The following EIF5B variants were observed in gnomAD, a reference collection of about 807,000 sequenced individuals.
EIF5B encodes the protein eukaryotic translation initiation factor 5B.
Under a neutral mutation model 147.5 loss-of-function variants are expected in EIF5B, and 47 were observed. That is an observed-to-expected ratio of 0.32 (90% CI 0.25 to 0.41). EIF5B has a LOEUF of 0.41. EIF5B is among the 10% of genes least tolerant of loss of function. The pLI is 1.00. For synonymous variants in EIF5B, 455 were observed against 456.2 expected (o/e 1.00, Z 0.03); for missense variants, 1,064 against 1,413.2 (o/e 0.75, Z 3.96).
Position 99,393,106 on chromosome 2 carries a change from C to T in EIF5B, c.2880+8C>T, listed in dbSNP as rs1358670666. The T allele has an allele frequency of 2.0e-6, 3 of 1,515,912 alleles. No homozygotes were observed. The highest frequency in any genetic ancestry group is 2.6e-5 in the South Asian group (2 of 76,324). The allele number at this position is 1,515,912 out of a possible 1,614,324, so 93.9% of individuals were successfully genotyped here. A position where few individuals can be genotyped will look rare whatever the true frequency, so the allele number is the denominator to read the frequency against. On this transcript the variant is annotated splice_region_variant and intron_variant, in intron 18 of 23. Transcript: ENST00000289371. ...GAAATCCCTGTTCTTAAAGTAAGTT[C>T]ATTTAAAAATTTTTTTCCTTAAAAG...
chr2:99,342,425 T>A (rs559721214), intron 1 of EIF5B, among the ~76,000 whole-genome samples: 4 of 152,318 alleles, frequency 2.6e-5, no homozygotes, highest in African/African-American at 9.6e-5. Context: ...GAAATATATT[T>A]GTGAACAAAT....
At chr2:99,368,895 T>G (rs1252637466) in intron 7 of EIF5B, among the ~76,000 whole-genome samples, 2 of 152,226 alleles carry the variant, frequency 1.3e-5, no homozygotes, top group Non-Finnish European at 2.9e-5. Flanking sequence ...CTTCTGTGAT[T>G]TTTGTATTTT....
chr2:99,338,507 C>T, intron 1 of EIF5B: 1 of 386,490 alleles, frequency 2.6e-6, no homozygotes, highest in Non-Finnish European at 5.0e-6. Flanking sequence ...CAGTCTGACT[C>T]AAAACAGATA....
intron 9 of EIF5B, among the ~76,000 whole-genome samples, chr2:99,373,421 A>G (rs1299227955): frequency 5.9e-5 from 9 of 152,180 alleles, no homozygotes; most frequent in Non-Finnish European, 8.8e-5. Context: ...GTGTCTTCAC[A>G]TGATGGAAGG....
intron 14 of EIF5B, among the ~76,000 whole-genome samples, chr2:99,386,912 A>G (rs1674820951): frequency 6.6e-6 from 1 of 151,708 alleles, no homozygotes; most frequent in South Asian, 2.1e-4. Flanking sequence ...ACTAATTTTT[A>G]TATTTTATTT....
Position 99,361,203 on chromosome 2 carries a change from A to G in EIF5B, c.302A>G (p.Gln101Arg). The G allele has an allele frequency of 6.3e-7, 1 of 1,595,042 alleles. No individual in the cohort carries two copies. Residue 101 changes from glutamine (Q) to arginine (R), a missense_variant, in exon 4 of 24, where the codon CAG becomes CGG. Gln to Arg is a conservative substitution (Grantham distance 43, BLOSUM62 1). Transcript: ENST00000289371. ...TCAAAAGATAAAAAAAAGAAAGGAC[A>G]GAAGGGCAAAAAACAGAGTTTTGAT... ...FTSKDKKKKGQKGKKQSFDDN... is the reference protein window; with the variant it reads ...FTSKDKKKKGRKGKKQSFDDN...
rs111801819 is a variant in EIF5B, at chr2:99,376,556, A to G, written c.1762A>G (p.Ser588Gly). ...AGATAAAAAGCCAAGTAAAGAAATG[A>G]GCTCAGATTCTGAATATGACTCTGA... is the stretch of plus-strand genomic sequence containing the variant. ...TLDKKPSKEM[S>G]SDSEYDSDDD... Residue 588 changes from serine to glycine, a missense_variant, in exon 10 of 24, where the codon AGC (serine) becomes GGC (glycine). This residue lies in a region of EIF5B where 195 missense variants were observed against 186.3 expected (regional missense o/e 1.05). Coordinates refer to ENST00000289371, the MANE Select transcript of EIF5B (RefSeq NM_015904.4). 9,233 of 1,614,088 alleles carry G rather than the reference A, an allele frequency of 5.7e-3. 42 individuals are homozygous for G. The highest frequency in any genetic ancestry group is 7.1e-3 in the Non-Finnish European group (8,384 of 1,180,000).
Position 99,337,412 on chromosome 2 carries a change from T to C in EIF5B, c.-143T>C. 1.0e-6 allele frequency: 1 copy of C among 1,004,344 alleles called. No homozygotes were observed. Among genetic ancestry groups the C allele is most frequent in the East Asian group, 2.6e-5 (1 of 38,260 alleles). 62.2% of individuals were successfully genotyped at this position (1,004,344 alleles called of 1,614,324 possible). A position where few individuals can be genotyped will look rare whatever the true frequency, so the allele number is the denominator to read the frequency against. On this transcript the variant is annotated 5_prime_UTR_variant, in exon 1 of 24. Transcript: ENST00000289371. ...TCACACCATATGTGTCCTGTTCCAG[T>C]GCGCGGGTCTGTGGAGAGCCGGGTG... is the stretch of plus-strand genomic sequence containing the variant.
chr2:99,390,750 GTTT>G (rs1674908392), intron 17 of EIF5B, 45 bp downstream of exon 17: 5 of 1,541,624 alleles, frequency 3.2e-6, no homozygotes, highest in Non-Finnish European at 4.4e-6. Flanking sequence ...CTTGTACAGT[GTTT>G]AGAAGTTCTG....
intron 12 of EIF5B, among the ~76,000 whole-genome samples, chr2:99,380,071 G>A (rs1674657447): frequency 1.3e-5 from 2 of 152,156 alleles, no homozygotes; most frequent in Admixed American, 1.3e-4. Flanking sequence ...GCCATTATTG[G>A]ATTACTTCTA....
chr2:99,390,044 T>G (rs1252021000), intron 15 of EIF5B, among the ~76,000 whole-genome samples, 175 bp from the exon 16 acceptor site: 1 of 152,210 alleles, frequency 6.6e-6, no homozygotes, highest in Admixed American at 6.5e-5. Context: ...TGAGTTGACT[T>G]AGAACTACTT....
In EIF5B at chr2:99,396,745, C is replaced by T. The variant is rs1559262253; in HGVS notation, c.3255-15C>T. On this transcript the variant is annotated splice_polypyrimidine_tract_variant and intron_variant, in intron 21 of 23. Coordinates refer to ENST00000289371, the MANE Select transcript of EIF5B (RefSeq NM_015904.4). The stretch of plus-strand genomic sequence containing the variant: ...GATTCTGTAAGCTTAAAATTCTTTT[C>T]TTTTTTCCTTTCAGGCACATAGCAG... 2 of 1,579,262 alleles carry T rather than the reference C, an allele frequency of 1.3e-6. No homozygotes were observed. The highest frequency in any genetic ancestry group is 2.4e-5 in the South Asian group (2 of 84,466).
At chr2:99,398,502 G>A (rs1675114313) in intron 22 of EIF5B, 1 of 335,716 alleles carries the variant, frequency 3.0e-6, no homozygotes, top group Non-Finnish European at 5.5e-6. Flanking sequence ...GGGTCAACAG[G>A]GCACTTGGAA....
intron 10 of EIF5B, among the ~76,000 whole-genome samples, chr2:99,377,923 C>T (rs1674597356): frequency 6.6e-6 from 1 of 152,102 alleles, no homozygotes; most frequent in African/African-American, 2.4e-5. Context: ...CTTCAGTATA[C>T]TTAGAATTTC....
intron 1 of EIF5B, among the ~76,000 whole-genome samples, chr2:99,338,594 A>G (rs1214817588): frequency 6.6e-6 from 1 of 152,228 alleles, no homozygotes. Flanking sequence ...GCGTTTGACT[A>G]GCTTATGAGT....
intron 1 of EIF5B, among the ~76,000 whole-genome samples, chr2:99,356,985 A>T (rs976995054): frequency 4.6e-5 from 7 of 152,180 alleles, no homozygotes; most frequent in African/African-American, 1.4e-4. Flanking sequence ...TTTGGGATAC[A>T]GGTCTTTCAG....
At chr2:99,387,055 A>G (rs1010726847) in intron 14 of EIF5B, among the ~76,000 whole-genome samples, 8 of 152,086 alleles carry the variant, frequency 5.3e-5, no homozygotes, top group African/African-American at 1.7e-4. Context: ...AATTACAGGT[A>G]CATGCCACCA....
In EIF5B at chr2:99,401,195, C is replaced by CACTT. The variant is rs767683665; in HGVS notation, c.*1783_*1786dup. ...ATGCACTTTGCAAATACCTCACAAG[C>CACTT]ACTTATGGCACAGCTATCAGAGAGC... is the stretch of plus-strand genomic sequence containing the variant. On this transcript the variant is annotated 3_prime_UTR_variant, in exon 24 of 24. Transcript: ENST00000289371. The CACTT allele has an allele frequency of 1.0e-5, 12 of 1,174,036 alleles. No individual in the cohort carries two copies. The highest frequency in any genetic ancestry group is 6.8e-5 in the Admixed American group (4 of 58,396). 72.7% of individuals were successfully genotyped at this position (1,174,036 alleles called of 1,614,324 possible).
At chr2:99,395,022 AC>A (rs1675013675) in intron 21 of EIF5B, 139 bp downstream of exon 21, 2 of 827,464 alleles carry the variant, frequency 2.4e-6, no homozygotes, top group Admixed American at 3.1e-5. Flanking sequence ...ATGGTGTGTT[AC>A]AAACCAGAAA....
Sources: allele counts gnomAD v4.1 joint callset (sites outside exome capture counted in the v4.1 genomes callset), GRCh38; gene constraint gnomAD v4.1.1; regional missense constraint gnomAD v4.1.1; transcripts MANE v1.5; gene names NCBI Gene and HGNC (gene_info 2026-07-23, HGNC 2026-07-21).